MICU1: variants seen among roughly 807,000 people sequenced by gnomAD.
The protein encoded by MICU1 is mitochondrial calcium uptake 1.
In MICU1, 45 loss-of-function variants were observed where a neutral mutation model predicts 56.8. The observed-to-expected ratio is 0.79, with a 90% CI of 0.62 to 1.02. MICU1 has a LOEUF of 1.02. Among genes scored for constraint, MICU1 ranks in the 50% least tolerant of loss-of-function variants. The pLI is 0.00. For missense variants in MICU1, 504 were observed against 587.1 expected (o/e 0.86, Z 1.46); for synonymous variants, 186 against 195.1 (o/e 0.95, Z 0.39).
chr10:72,589,014 A>G (rs1220761429), intron 1 of MICU1, among the ~76,000 whole-genome samples: 1 of 152,206 alleles, frequency 6.6e-6, no homozygotes, highest in African/African-American at 2.4e-5. Context: ...TGGGCTGGGC[A>G]CGGTGACTCA....
intron 1 of MICU1, among the ~76,000 whole-genome samples, chr10:72,618,474 C>A (rs1413649687): frequency 6.6e-6 from 1 of 151,314 alleles, no homozygotes. Flanking sequence ...CAGATAATAT[C>A]AATGCTTAAA....
At chr10:72,593,324 G>C (rs533236586) in intron 1 of MICU1, among the ~76,000 whole-genome samples, 1 of 151,956 alleles carries the variant, frequency 6.6e-6, no homozygotes, top group South Asian at 2.1e-4. Context: ...AAGCAGCCAG[G>C]CGTGGTGGCA....
At chr10:72,411,646 TAGAG>T (rs889061265) in intron 9 of MICU1, among the ~76,000 whole-genome samples, 1 of 152,140 alleles carries the variant, frequency 6.6e-6, no homozygotes, top group African/African-American at 2.4e-5. Flanking sequence ...CTGTAGGAGT[TAGAG>T]AGTTAGGGGA....
intron 6 of MICU1, among the ~76,000 whole-genome samples, chr10:72,481,278 C>T (rs562654132): frequency 6.6e-6 from 1 of 152,306 alleles, no homozygotes; most frequent in Admixed American, 6.5e-5. Flanking sequence ...TTTGTCTCCT[C>T]TCAAATGTAG....
intron 1 of MICU1, among the ~76,000 whole-genome samples, chr10:72,585,674 A>T (rs1197149486): frequency 1.3e-5 from 2 of 151,896 alleles, no homozygotes; most frequent in South Asian, 2.1e-4. Context: ...AAAAAAAAAA[A>T]TTCATTTTAA....
At chr10:72,534,205 A>C (rs1839566399) in intron 4 of MICU1, among the ~76,000 whole-genome samples, 1 of 151,980 alleles carries the variant, frequency 6.6e-6, no homozygotes. Flanking sequence ...CAAAAAAAAA[A>C]AAAAAAAACT....
intron 8 of MICU1, among the ~76,000 whole-genome samples, chr10:72,423,745 C>T (rs370480420): frequency 6.6e-6 from 1 of 152,076 alleles, no homozygotes; most frequent in African/African-American, 2.4e-5. Context: ...AGCAATATCC[C>T]GATATCCTGA....
intron 8 of MICU1, among the ~76,000 whole-genome samples, chr10:72,445,736 T>C (rs982678974): frequency 8.5e-5 from 13 of 152,220 alleles, no homozygotes; most frequent in African/African-American, 3.1e-4. Flanking sequence ...TCCTTGGTTA[T>C]GTATCAACTG....
intron 10 of MICU1, among the ~76,000 whole-genome samples, chr10:72,386,152 C>A (rs147668833): frequency 1.3e-5 from 2 of 152,222 alleles, no homozygotes; most frequent in Non-Finnish European, 2.9e-5. Flanking sequence ...CAGAAACTGG[C>A]CAGTGGGGAA....
intron 1 of MICU1, among the ~76,000 whole-genome samples, chr10:72,574,254 C>A (rs1198104502): frequency 6.6e-6 from 1 of 152,154 alleles, no homozygotes; most frequent in Admixed American, 6.6e-5. Flanking sequence ...GTCAGCCGGG[C>A]GTGGTGGCTC....
chr10:72,586,202 A>T (rs559299078), intron 1 of MICU1, among the ~76,000 whole-genome samples: 1 of 151,212 alleles, frequency 6.6e-6, no homozygotes, highest in South Asian at 2.1e-4. Context: ...AGTAGAGATG[A>T]GGTCTTGCTA....
At chr10:72,507,140 TTTTG>T (rs898159569) in intron 6 of MICU1, among the ~76,000 whole-genome samples, 24 of 152,082 alleles carry the variant, frequency 1.6e-4, no homozygotes, top group African/African-American at 5.8e-4. Context: ...AGAGGGTTAT[TTTTG>T]TTTGATATGT....
At chr10:72,570,931 T>C (rs1284735239) in intron 1 of MICU1, among the ~76,000 whole-genome samples, 1 of 152,100 alleles carries the variant, frequency 6.6e-6, no homozygotes, top group African/African-American at 2.4e-5. Flanking sequence ...CTCACATAAA[T>C]AGCACTGCTC....
At chr10:72,615,693 C>T (rs1424884676) in intron 1 of MICU1, among the ~76,000 whole-genome samples, 2 of 152,024 alleles carry the variant, frequency 1.3e-5, no homozygotes, top group African/African-American at 4.8e-5. Flanking sequence ...CTCTATTTAA[C>T]ATGTTCAGTC....
intron 6 of MICU1, among the ~76,000 whole-genome samples, chr10:72,495,201 A>G (rs534779647): frequency 6.6e-6 from 1 of 151,268 alleles, no homozygotes; most frequent in Non-Finnish European, 1.5e-5. Context: ...ACATGTCTGC[A>G]TAATAGACCC....
chr10:72,426,816 A>C (rs1864361650), intron 8 of MICU1, among the ~76,000 whole-genome samples: 2 of 152,216 alleles, frequency 1.3e-5, no homozygotes, highest in South Asian at 4.1e-4. Context: ...AAGCTGGGAC[A>C]ATCCTGTGGG....
intron 5 of MICU1, among the ~76,000 whole-genome samples, chr10:72,519,358 G>A (rs1867750225): frequency 6.6e-6 from 1 of 152,174 alleles, no homozygotes; most frequent in African/African-American, 2.4e-5. Flanking sequence ...TCAAGTAAAG[G>A]CAAATGGACA....
chr10:72,509,813 C>CA (rs1285520060), intron 5 of MICU1, among the ~76,000 whole-genome samples: 1 of 151,746 alleles, frequency 6.6e-6, no homozygotes, highest in Non-Finnish European at 1.5e-5. Context: ...AAATTTCAGA[C>CA]AAAAAAAGCT....
intron 1 of MICU1, among the ~76,000 whole-genome samples, chr10:72,576,214 C>CA (rs1840738976): frequency 1.1e-4 from 1 of 8,886 alleles, no homozygotes; most frequent in African/African-American, 4.2e-4. Flanking sequence ...AACTCCGTCT[C>CA]AAAAAAACAC....
Sources: gnomAD v4.1 joint callset for allele counts (sites outside exome capture counted in the v4.1 genomes callset) on GRCh38, gnomAD v4.1.1 for gene constraint, MANE v1.5 for transcripts, NCBI Gene and HGNC (gene_info 2026-07-23, HGNC 2026-07-21) for gene names.